Variants in LRBA observed in about 807,000 individuals in gnomAD.
The protein encoded by LRBA is lipopolysaccharide-responsive and beige-like anchor protein.
LRBA carries 176 observed loss-of-function variants against 330.0 expected under a neutral mutation model. That is an observed-to-expected ratio of 0.53 (90% CI 0.47 to 0.60). LRBA has a LOEUF of 0.60. LRBA is among the 20% of genes least tolerant of loss of function. LRBA has a pLI of 0.00. For synonymous variants in LRBA, 1,230 were observed against 1,193.0 expected, an observed-to-expected ratio of 1.03 and a Z score of -0.64; for missense variants, 3,259 against 3,444.8, an observed-to-expected ratio of 0.95 and a Z score of 1.35.
At chr4:150,787,841 T>C (rs190132064) in intron 34 of LRBA, among the ~76,000 whole-genome samples, 1 of 152,280 alleles carries the variant, frequency 6.6e-6, no homozygotes, top group East Asian at 1.9e-4. Context: ...TTCTCTACTA[T>C]CTCTGAGTTC....
chr4:150,747,120 C>G (rs530525250), intron 35 of LRBA, among the ~76,000 whole-genome samples: 1 of 152,146 alleles, frequency 6.6e-6, no homozygotes, highest in Non-Finnish European at 1.5e-5. Flanking sequence ...AGGTCAGGAA[C>G]TACTCTCTCA....
At chr4:150,861,838 A>G (rs1219661215) in intron 22 of LRBA, among the ~76,000 whole-genome samples, 4 of 152,110 alleles carry the variant, frequency 2.6e-5, no homozygotes, top group Admixed American at 2.6e-4. Context: ...ATTTTCTGAC[A>G]GGCACAGTGG....
At chr4:150,738,570 A>G (rs997624358) in intron 35 of LRBA, among the ~76,000 whole-genome samples, 3 of 152,198 alleles carry the variant, frequency 2.0e-5, no homozygotes, top group African/African-American at 7.2e-5. Context: ...GTAAATCTAA[A>G]AGTATACTGA....
chr4:150,266,574 T>A (rs995680956), intron 56 of LRBA, among the ~76,000 whole-genome samples: 1 of 152,138 alleles, frequency 6.6e-6, no homozygotes, highest in African/African-American at 2.4e-5. Context: ...TCCTTCCTAG[T>A]ACCTCGTATC....
chr4:150,549,625 C>A (rs1766329513), intron 40 of LRBA, among the ~76,000 whole-genome samples: 1 of 152,138 alleles, frequency 6.6e-6, no homozygotes, highest in Admixed American at 6.6e-5. Context: ...GCCACTGCAC[C>A]CAGCCTCATT....
intron 2 of LRBA, among the ~76,000 whole-genome samples, chr4:151,008,393 T>G (rs747187588): frequency 1.3e-5 from 2 of 151,896 alleles, no homozygotes; most frequent in African/African-American, 2.4e-5. Flanking sequence ...AAATTAGTGG[T>G]TTTTATGGCA....
intron 47 of LRBA, among the ~76,000 whole-genome samples, chr4:150,378,811 G>A (rs1741748768): frequency 6.6e-6 from 1 of 152,068 alleles, no homozygotes; most frequent in South Asian, 2.1e-4. Context: ...ATAATGTTAT[G>A]ACTATGACTA....
At chr4:150,408,483 A>G (rs1746511653) in intron 47 of LRBA, among the ~76,000 whole-genome samples, 2 of 152,186 alleles carry the variant, frequency 1.3e-5, no homozygotes, top group African/African-American at 4.8e-5. Context: ...AATATGTAGC[A>G]TTCACAAAGT....
rs938834633 is a variant in LRBA at position 150,900,915 on chromosome 4, T to C, written c.1756-698A>G. On this transcript the variant is annotated intron_variant, in intron 13 of 56. Coordinates refer to ENST00000651943, the MANE Select transcript of LRBA (RefSeq NM_001364905.1). ...CTAAAAAAATACATAAGAAGTTATA[T>C]ATGTTTATATTAACTTCGAAATATC... Among the ~76,000 whole-genome samples, 23 of 152,304 alleles carry C rather than the reference T, an allele frequency of 1.5e-4. No individual in the cohort carries two copies. In the Middle Eastern group the frequency reaches 0.01, roughly 68 times the overall value.
chr4:150,445,073 T>C (rs1397101719), intron 44 of LRBA, among the ~76,000 whole-genome samples: 2 of 152,056 alleles, frequency 1.3e-5, no homozygotes, highest in African/African-American at 4.8e-5. Flanking sequence ...ATGAAAATGA[T>C]AAAGAATGCT....
rs117318429 is a variant in LRBA, at chr4:150,456,318, A to G, written c.6780+11355T>C. 7.7e-3 allele frequency among the ~76,000 whole-genome samples: 1,177 copies of G among 152,292 alleles called. 49 individuals carry two copies. The highest frequency in any genetic ancestry group is 0.059 in the Admixed American group (907 of 15,274). On this transcript the variant is annotated intron_variant, in intron 44 of 56. Transcript: ENST00000651943. Reference sequence around the variant, plus strand: ...TGTACAAGAGTTCTCTTTTCTTCACATGCTCACCAGCATTTGGTATTGCTT... The same window carrying G: ...TGTACAAGAGTTCTCTTTTCTTCACGTGCTCACCAGCATTTGGTATTGCTT...
At chr4:150,994,557 C>T (rs528582960) in intron 2 of LRBA, among the ~76,000 whole-genome samples, 2 of 151,574 alleles carry the variant, frequency 1.3e-5, no homozygotes, top group African/African-American at 4.8e-5. Flanking sequence ...AAAGAAAACA[C>T]GCAATAAAAA....
At chr4:150,593,728 C>T (rs1322177872) in intron 38 of LRBA, among the ~76,000 whole-genome samples, 1 of 152,022 alleles carries the variant, frequency 6.6e-6, no homozygotes, top group Non-Finnish European at 1.5e-5. Flanking sequence ...ACTAAACACC[C>T]TGCTCATTAC....
chr4:150,862,257 T>C (rs1285849775), intron 22 of LRBA, among the ~76,000 whole-genome samples: 1 of 152,146 alleles, frequency 6.6e-6, no homozygotes, highest in African/African-American at 2.4e-5. Context: ...CTATTCACAA[T>C]AGCAAACACT....
At chr4:150,506,359 C>A (rs1378117343) in intron 40 of LRBA, among the ~76,000 whole-genome samples, 1 of 152,166 alleles carries the variant, frequency 6.6e-6, no homozygotes, top group African/African-American at 2.4e-5. Flanking sequence ...TCCAGCAGCA[C>A]ATCAAAAAGC....
intron 47 of LRBA, among the ~76,000 whole-genome samples, chr4:150,402,392 TTAAG>T (rs1451245522): frequency 1.3e-5 from 2 of 151,850 alleles, no homozygotes. Context: ...GAATAACTGA[TTAAG>T]AAAGAAAGAA....
chr4:150,479,934 T>C (rs971999640), intron 42 of LRBA, among the ~76,000 whole-genome samples: 9 of 152,184 alleles, frequency 5.9e-5, no homozygotes, highest in African/African-American at 2.2e-4. Context: ...TAGCTGATGT[T>C]TGTGCATTCT....
intron 42 of LRBA, among the ~76,000 whole-genome samples, chr4:150,485,006 T>C (rs1300008567): frequency 2.0e-5 from 3 of 152,004 alleles, no homozygotes; most frequent in African/African-American, 7.2e-5. Context: ...ATCCAAGATC[T>C]CAATCTTTCT....
intron 46 of LRBA, among the ~76,000 whole-genome samples, chr4:150,428,922 C>T (rs895551692): frequency 7.9e-5 from 12 of 152,112 alleles, no homozygotes; most frequent in African/African-American, 2.9e-4. Flanking sequence ...TTCCCTTGCT[C>T]AGAACCCTCT....
Sources: gnomAD v4.1 joint callset for allele counts (sites outside exome capture counted in the v4.1 genomes callset) on GRCh38, gnomAD v4.1.1 for gene constraint, MANE v1.5 for transcripts, NCBI Gene and HGNC (gene_info 2026-07-23, HGNC 2026-07-21) for gene names.